RBFOX3: variants seen among roughly 807,000 people sequenced by gnomAD.
The protein encoded by RBFOX3 is RNA binding protein fox-1 homolog 3.
RBFOX3 carries 17 observed loss-of-function variants against 48.7 expected under a neutral mutation model. The observed-to-expected ratio is 0.35, with a 90% confidence interval of 0.24 to 0.52. RBFOX3 has a LOEUF of 0.52. Ranked by LOEUF, RBFOX3 falls within the 20% of genes least tolerant of loss-of-function variation. The pLI, the probability that RBFOX3 is intolerant of heterozygous loss-of-function variation, is 0.94. For missense variants in RBFOX3, 382 were observed against 497.5 expected, an observed-to-expected ratio of 0.77 and a Z score of 2.21; for synonymous variants, 212 against 209.5, an observed-to-expected ratio of 1.01 and a Z score of -0.10.
At position 79,224,275 on chromosome 17, in the gene RBFOX3, G is replaced by T. The variant is rs114190491; in HGVS notation, c.-34+11491C>A. ...CGATGGCTGCCAGCTGTCATGGTCA[G>T]GAAGTTCTTCTTTCAGACAGCCTGA... is the stretch of plus-strand genomic sequence containing the variant. On this transcript the variant is annotated intron_variant, in intron 4 of 14. Coordinates refer to ENST00000693108, the MANE Select transcript of RBFOX3 (RefSeq NM_001350451.2). Among the ~76,000 whole-genome samples, 1,089 of 152,302 alleles carry T rather than the reference G, an allele frequency of 7.2e-3. 17 individuals are homozygous for T. The highest frequency in any genetic ancestry group is 0.024 in the African/African-American group (1,004 of 41,562).
intron 1 of RBFOX3, among the ~76,000 whole-genome samples, chr17:79,511,230 T>C (rs2084139205): frequency 6.6e-6 from 1 of 152,166 alleles, no homozygotes; most frequent in South Asian, 2.1e-4. Flanking sequence ...AGGAGGTGTT[T>C]GCAGGGTTGT....
At chr17:79,145,233 T>C (rs1347452557) in intron 4 of RBFOX3, among the ~76,000 whole-genome samples, 1 of 152,176 alleles carries the variant, frequency 6.6e-6, no homozygotes, top group Non-Finnish European at 1.5e-5. Context: ...GCACGTCCTA[T>C]CCGAGTGTGC....
At chr17:79,126,446 C>T (rs1156643777) in intron 4 of RBFOX3, among the ~76,000 whole-genome samples, 2 of 152,056 alleles carry the variant, frequency 1.3e-5, no homozygotes, top group East Asian at 1.9e-4. Flanking sequence ...GAAGGGGAGG[C>T]TGGTGACCCG....
At chr17:79,137,304 TACAC>T (rs144038822) in intron 4 of RBFOX3, among the ~76,000 whole-genome samples, 2 of 151,690 alleles carry the variant, frequency 1.3e-5, no homozygotes, top group African/African-American at 4.8e-5. Context: ...TGTACACGTG[TACAC>T]ACACACACAT....
At position 79,465,581 on chromosome 17, in the gene RBFOX3, A is replaced by C. The variant is rs868931080; in HGVS notation, c.-175+16873T>G. ...TTTACATGCAAGCACACATGCACAA[A>C]AAAAAAAAAAATACATCTAAATTTC... On this transcript the variant is annotated intron_variant, in intron 2 of 14. Transcript: ENST00000693108. Among the ~76,000 whole-genome samples, 764 of 151,682 alleles carry C rather than the reference A, an allele frequency of 5.0e-3. 8 individuals are homozygous for C. Among genetic ancestry groups the C allele is most frequent in the African/African-American group, 0.017 (718 of 41,308 alleles).
chr17:79,588,986 C>A (rs989383908), intron 1 of RBFOX3, among the ~76,000 whole-genome samples: 1 of 149,078 alleles, frequency 6.7e-6, no homozygotes, highest in Non-Finnish European at 1.5e-5. Context: ...TATAGTGAGA[C>A]CCCATCCTGA....
chr17:79,458,257 T>G (rs573976915), intron 2 of RBFOX3, among the ~76,000 whole-genome samples: 1 of 152,330 alleles, frequency 6.6e-6, no homozygotes, highest in African/African-American at 2.4e-5. Context: ...CAGGGCCTTG[T>G]TTTTGTTTTT....
At chr17:79,517,725 C>T (rs1309122100) in intron 1 of RBFOX3, among the ~76,000 whole-genome samples, 1 of 152,188 alleles carries the variant, frequency 6.6e-6, no homozygotes, top group Non-Finnish European at 1.5e-5. Context: ...ACCCCACGGT[C>T]ATTAAATAGA....
intron 2 of RBFOX3, among the ~76,000 whole-genome samples, chr17:79,453,328 G>A (rs1437773493): frequency 2.0e-5 from 3 of 152,230 alleles, no homozygotes; most frequent in African/African-American, 7.2e-5. Context: ...AGGGGGAGCT[G>A]TGTGGCCAGC....
chr17:79,164,700 G>C (rs567863426), intron 4 of RBFOX3, among the ~76,000 whole-genome samples: 1 of 152,330 alleles, frequency 6.6e-6, no homozygotes, highest in African/African-American at 2.4e-5. Flanking sequence ...GAGGTCCCAA[G>C]TGGGAAGGCC....
chr17:79,240,164 T>C (rs1335925046), intron 3 of RBFOX3, among the ~76,000 whole-genome samples: 1 of 152,238 alleles, frequency 6.6e-6, no homozygotes, highest in African/African-American at 2.4e-5. Flanking sequence ...CCTAGCTGTC[T>C]TCTGTCCATA....
At chr17:79,225,383 C>T (rs936775981) in intron 4 of RBFOX3, among the ~76,000 whole-genome samples, 2 of 151,826 alleles carry the variant, frequency 1.3e-5, no homozygotes, top group Admixed American at 6.6e-5. Context: ...CTCCACCTCC[C>T]GGGTTCAAGC....
intron 2 of RBFOX3, among the ~76,000 whole-genome samples, chr17:79,468,973 TG>T (rs2076707094): frequency 6.7e-6 from 1 of 150,318 alleles, no homozygotes; most frequent in Admixed American, 6.6e-5. Flanking sequence ...GATGGATGGA[TG>T]GATGGATGGA....
intron 3 of RBFOX3, among the ~76,000 whole-genome samples, chr17:79,301,497 C>T (rs953715326): frequency 4.9e-4 from 74 of 152,252 alleles, no homozygotes; most frequent in African/African-American, 1.6e-3. Context: ...GACAAGGCTC[C>T]GGCCCTGCTC....
intron 1 of RBFOX3, among the ~76,000 whole-genome samples, chr17:79,496,556 A>G (rs2081567791): frequency 1.3e-5 from 2 of 152,280 alleles, no homozygotes; most frequent in African/African-American, 4.8e-5. Flanking sequence ...AATTCTAGCC[A>G]CCAGGAGAAA....
At chr17:79,566,343 G>C in intron 1 of RBFOX3, among the ~76,000 whole-genome samples, 1 of 152,260 alleles carries the variant, frequency 6.6e-6, no homozygotes, top group South Asian at 2.1e-4. Flanking sequence ...TGTAAGAAGC[G>C]GCCAGCGCTA....
intron 1 of RBFOX3, among the ~76,000 whole-genome samples, chr17:79,543,667 C>G (rs1033155421): frequency 1.8e-4 from 27 of 152,172 alleles, no homozygotes; most frequent in African/African-American, 6.5e-4. Flanking sequence ...AGATGAAACA[C>G]GCGGCGAAGA....
intron 2 of RBFOX3, among the ~76,000 whole-genome samples, chr17:79,474,314 C>A (rs1393428525): frequency 6.6e-6 from 1 of 152,184 alleles, no homozygotes; most frequent in Non-Finnish European, 1.5e-5. Flanking sequence ...TCATGTTTCT[C>A]CATCCAGAAT....
intron 4 of RBFOX3, among the ~76,000 whole-genome samples, chr17:79,173,497 A>G (rs949845714): frequency 6.6e-6 from 1 of 151,996 alleles, no homozygotes; most frequent in Non-Finnish European, 1.5e-5. Flanking sequence ...TATTCTCTCT[A>G]AGGGGCCCAC....
Sources: allele counts gnomAD v4.1 joint callset (sites outside exome capture counted in the v4.1 genomes callset), GRCh38; gene constraint gnomAD v4.1.1; transcripts MANE v1.5; gene names NCBI Gene and HGNC (gene_info 2026-07-23, HGNC 2026-07-21).